Variants in PCCA observed in about 807,000 individuals in gnomAD.
The protein encoded by PCCA is propionyl-CoA carboxylase subunit alpha.
Under a neutral mutation model 101.3 loss-of-function variants are expected in PCCA, and 74 were observed. The ratio of observed to expected loss-of-function variants is 0.73; its 90% CI spans 0.61 to 0.89. The LOEUF (loss-of-function observed/expected upper bound fraction) is 0.89, where lower values mean the gene tolerates loss of function less well. Among genes scored for constraint, PCCA ranks in the 40% least tolerant of loss-of-function variants. The pLI is 0.00. For missense variants in PCCA, 891 were observed against 907.0 expected (o/e 0.98, Z 0.23); for synonymous variants, 294 against 313.6 (o/e 0.94, Z 0.66).
intron 19 of PCCA, among the ~76,000 whole-genome samples, chr13:100,401,197 G>C (rs2077342966): frequency 6.6e-6 from 1 of 151,908 alleles, no homozygotes; most frequent in African/African-American, 2.4e-5. Context: ...GCTTTCTAAG[G>C]AATTAAACTC....
At chr13:100,195,728 C>G (rs1010346617) in intron 6 of PCCA, among the ~76,000 whole-genome samples, 1 of 152,154 alleles carries the variant, frequency 6.6e-6, no homozygotes, top group African/African-American at 2.4e-5. Flanking sequence ...AGACAAAATA[C>G]TTCATTTGCA....
At chr13:100,498,954 G>A (rs2085469654) in intron 21 of PCCA, among the ~76,000 whole-genome samples, 3 of 152,274 alleles carry the variant, frequency 2.0e-5, no homozygotes, top group African/African-American at 7.2e-5. Flanking sequence ...CTTTTAACAA[G>A]GCATTGATTT....
chr13:100,196,190 G>A (rs1373853310), intron 6 of PCCA, among the ~76,000 whole-genome samples: 2 of 152,044 alleles, frequency 1.3e-5, no homozygotes, highest in Non-Finnish European at 2.9e-5. Flanking sequence ...TTTTATTAAA[G>A]TAATCAATAC....
At position 100,442,080 on chromosome 13, in the gene PCCA, G is replaced by A. The variant is rs544785039; in HGVS notation, c.1846-7172G>A. ...ATGATCTCAGCTCACTGCAACCTCC[G>A]CCTCCCAGGTTTAAGCGATTCTCCT... On this transcript the variant is annotated intron_variant, in intron 20 of 23. Transcript: ENST00000376285. Among the ~76,000 whole-genome samples the A allele has an allele frequency of 1.1e-4, 16 of 149,368 alleles. No homozygotes were observed. In the South Asian group the frequency reaches 3.4e-3, roughly 31 times the overall value.
At chr13:100,412,323 T>C (rs950125542) in intron 19 of PCCA, among the ~76,000 whole-genome samples, 1 of 152,208 alleles carries the variant, frequency 6.6e-6, no homozygotes, top group Non-Finnish European at 1.5e-5. Context: ...TAATGGGACA[T>C]CATAAAATGT....
chr13:100,373,527 T>G (rs760519275), intron 19 of PCCA, among the ~76,000 whole-genome samples: 4 of 152,150 alleles, frequency 2.6e-5, no homozygotes, highest in African/African-American at 9.7e-5. Context: ...ATTCCACTTA[T>G]ATGAGGTACC....
rs1309984509 is a variant in PCCA at position 100,303,006 on chromosome 13, A to AT, written c.1284+10dup. The AT allele has an allele frequency of 2.0e-6, 3 of 1,503,564 alleles. No homozygotes were observed. In the African/African-American group the frequency reaches 4.1e-5, roughly 21 times the overall value. The allele number at this position is 1,503,564 out of a possible 1,614,324, so 93.1% of individuals were successfully genotyped here. A position where few individuals can be genotyped will look rare whatever the true frequency, so the allele number is the denominator to read the frequency against. ...CCGTTACATCTACCTGGTGTAAGTC[A>AT]TTAAGCTGTAATACCAGCTGAAGGG... is the stretch of plus-strand genomic sequence containing the variant. On this transcript the variant is annotated intron_variant, in intron 14 of 23. Coordinates refer to ENST00000376285, the MANE Select transcript of PCCA (RefSeq NM_000282.4).
chr13:100,524,375 G>GTT (rs1491344190), intron 22 of PCCA, among the ~76,000 whole-genome samples: 5 of 796 alleles, frequency 6.3e-3, no homozygotes, highest in Non-Finnish European at 0.016. Context: ...AATTAAGCTC[G>GTT]TGTGTGTGTG....
At chr13:100,166,519 G>A (rs557828605) in intron 6 of PCCA, among the ~76,000 whole-genome samples, 7 of 152,066 alleles carry the variant, frequency 4.6e-5, no homozygotes, top group African/African-American at 1.4e-4. Context: ...GGCTGGTTTC[G>A]AACTCCTGGC....
intron 6 of PCCA, among the ~76,000 whole-genome samples, chr13:100,173,315 C>T (rs561847983): frequency 2.0e-5 from 3 of 152,232 alleles, no homozygotes; most frequent in East Asian, 3.9e-4. Flanking sequence ...TTGGAGGACT[C>T]GCTTTTTACA....
intron 4 of PCCA, among the ~76,000 whole-genome samples, chr13:100,134,924 TG>T (rs2050977408): frequency 6.8e-6 from 1 of 146,718 alleles, no homozygotes; most frequent in Admixed American, 6.7e-5. Flanking sequence ...GTTTGTTTTT[TG>T]TAGACAGGGT....
intron 1 of PCCA, among the ~76,000 whole-genome samples, chr13:100,097,254 G>A (rs907360306): frequency 6.6e-6 from 1 of 151,760 alleles, no homozygotes; most frequent in Non-Finnish European, 1.5e-5. Context: ...GGAGGAGAGG[G>A]GATGGGAGTG....
intron 20 of PCCA, among the ~76,000 whole-genome samples, chr13:100,447,175 G>A (rs1686670917): frequency 1.3e-5 from 2 of 152,104 alleles, no homozygotes; most frequent in South Asian, 4.1e-4. Context: ...ATGAGGTCAG[G>A]AGTTCGAGAC....
At chr13:100,257,254 ATAAGT>A (rs1469356883) in intron 8 of PCCA, among the ~76,000 whole-genome samples, 2 of 152,194 alleles carry the variant, frequency 1.3e-5, no homozygotes, top group African/African-American at 4.8e-5. Context: ...TGGTGCTATT[ATAAGT>A]TGTTTCTTAT....
At chr13:100,158,822 T>C (rs1457767190) in intron 6 of PCCA, among the ~76,000 whole-genome samples, 2 of 152,030 alleles carry the variant, frequency 1.3e-5, no homozygotes, top group African/African-American at 4.8e-5. Flanking sequence ...TTTTGTCCTG[T>C]GACAGCAGAG....
intron 19 of PCCA, among the ~76,000 whole-genome samples, chr13:100,397,676 T>C (rs190318449): frequency 9.8e-5 from 15 of 152,320 alleles, no homozygotes; most frequent in Admixed American, 9.8e-4. Context: ...CCTATGGCTT[T>C]GAGCATGGCT....
intron 4 of PCCA, among the ~76,000 whole-genome samples, chr13:100,138,705 C>A (rs573637758): frequency 2.0e-5 from 3 of 152,026 alleles, no homozygotes; most frequent in African/African-American, 7.2e-5. Context: ...GAGGCCGAAG[C>A]GGGTGGATCA....
chr13:100,465,887 T>C (rs1415906724), intron 21 of PCCA, among the ~76,000 whole-genome samples: 1 of 152,250 alleles, frequency 6.6e-6, no homozygotes, highest in African/African-American at 2.4e-5. Context: ...GTCCTGATAC[T>C]GGATTTGCTT....
intron 10 of PCCA, among the ~76,000 whole-genome samples, chr13:100,268,134 G>A (rs1426428673): frequency 6.6e-6 from 1 of 152,086 alleles, no homozygotes; most frequent in Admixed American, 6.5e-5. Context: ...AGATTTTCTG[G>A]TTAGAGATGT....
Sources: allele counts gnomAD v4.1 joint callset (sites outside exome capture counted in the v4.1 genomes callset), GRCh38; gene constraint gnomAD v4.1.1; transcripts MANE v1.5; gene names NCBI Gene and HGNC (gene_info 2026-07-23, HGNC 2026-07-21).